SP100: variants seen among roughly 807,000 people sequenced by gnomAD.
SP100 encodes the protein SP100 nuclear body protein, also known as nuclear autoantigen Sp-100.
SP100 carries 84 observed loss-of-function variants against 130.0 expected under a neutral mutation model. The ratio of observed to expected loss-of-function variants is 0.65; its 90% CI spans 0.54 to 0.77. SP100 has a LOEUF of 0.77. Among genes scored for constraint, SP100 ranks in the 30% least tolerant of loss-of-function variants. SP100 has a pLI of 0.00. For missense variants in SP100, 978 were observed against 1,052.2 expected, an observed-to-expected ratio of 0.93 and a Z score of 0.97; for synonymous variants, 331 against 351.7, an observed-to-expected ratio of 0.94 and a Z score of 0.66.
At chr2:230,442,733 C>T (rs972856943) in intron 2 of SP100, among the ~76,000 whole-genome samples, 7 of 152,126 alleles carry the variant, frequency 4.6e-5, no homozygotes, top group Admixed American at 4.6e-4. Context: ...TTTCAGTCCT[C>T]TATATTAGTT....
At chr2:230,500,282 T>C (rs1257257781) in intron 19 of SP100, among the ~76,000 whole-genome samples, 2 of 152,208 alleles carry the variant, frequency 1.3e-5, no homozygotes, top group Non-Finnish European at 2.9e-5. Flanking sequence ...TATACAATTG[T>C]AGTGAGGTGC....
intron 17 of SP100, 28 bp from the exon 18 acceptor site, chr2:230,494,388 G>A (rs2066551786): frequency 6.7e-7 from 1 of 1,487,652 alleles, no homozygotes; most frequent in African/African-American, 1.4e-5. Flanking sequence ...AGTTCTAAAG[G>A]ATTATTTTCT....
At chr2:230,523,370 T>C (rs1691264460) in intron 24 of SP100, among the ~76,000 whole-genome samples, 1 of 152,216 alleles carries the variant, frequency 6.6e-6, no homozygotes, top group African/African-American at 2.4e-5. Flanking sequence ...AATTGGCTTA[T>C]TTTAAAAAAG....
intron 25 of SP100, 44 bp downstream of exon 25, chr2:230,539,426 G>T: frequency 6.6e-6 from 9 of 1,359,510 alleles, no homozygotes; most frequent in Non-Finnish European, 9.5e-6. Context: ...CCTTCTTGTG[G>T]TACAGCTCCT....
intron 24 of SP100, among the ~76,000 whole-genome samples, chr2:230,537,301 T>C (rs1323966178): frequency 6.6e-6 from 1 of 152,138 alleles, no homozygotes; most frequent in East Asian, 1.9e-4. Flanking sequence ...AGGACACTAA[T>C]TGAGAGGGGA....
intron 8 of SP100, among the ~76,000 whole-genome samples, chr2:230,454,091 T>C (rs1189628664): frequency 6.6e-6 from 1 of 152,216 alleles, no homozygotes; most frequent in African/African-American, 2.4e-5. Context: ...AAATTGTTTA[T>C]AGCAGTGTCT....
Position 230,416,282 on chromosome 2 carries a change from G to T in SP100, c.-15G>T. 6.2e-7 allele frequency: 1 copy of T among 1,612,886 alleles called. No homozygotes were observed. Among genetic ancestry groups the T allele is most frequent in the Non-Finnish European group, 8.5e-7 (1 of 1,179,206 alleles). On this transcript the variant is annotated 5_prime_UTR_variant, in exon 1 of 29. Coordinates refer to ENST00000340126, the MANE Select transcript of SP100 (RefSeq NM_001080391.2). ...GGCCAGGCTCTGAGGCCCACGCAGG[G>T]CCTAGGGTGGGAAGATGGCAGGTGG...
intron 2 of SP100, among the ~76,000 whole-genome samples, chr2:230,438,133 G>A (rs1389781157): frequency 4.6e-5 from 7 of 151,844 alleles, no homozygotes; most frequent in Non-Finnish European, 8.8e-5. Flanking sequence ...TCTTAGTTGT[G>A]TCTTTAGTTG....
At chr2:230,459,003 A>G (rs752710406) in intron 8 of SP100, among the ~76,000 whole-genome samples, 1 of 152,190 alleles carries the variant, frequency 6.6e-6, no homozygotes, top group Non-Finnish European at 1.5e-5. Context: ...GCATGTAAGG[A>G]GACCTCACTT....
intron 17 of SP100, among the ~76,000 whole-genome samples, chr2:230,486,994 A>G (rs1254206920): frequency 6.6e-6 from 1 of 152,192 alleles, no homozygotes. Flanking sequence ...GTGTCTGTTC[A>G]TATCCTTTGT....
chr2:230,542,611 T>A (rs549130833), intron 28 of SP100, among the ~76,000 whole-genome samples: 1 of 152,318 alleles, frequency 6.6e-6, no homozygotes, highest in South Asian at 2.1e-4. Context: ...GTTAAATTAA[T>A]CCATAAGCTT....
At chr2:230,529,290 C>T (rs1002701458) in intron 24 of SP100, among the ~76,000 whole-genome samples, 8 of 152,142 alleles carry the variant, frequency 5.3e-5, no homozygotes, top group Non-Finnish European at 7.4e-5. Flanking sequence ...AATCAATAAA[C>T]GTAACCCATC....
chr2:230,492,265 A>T (rs72985705), intron 17 of SP100, among the ~76,000 whole-genome samples: 1,625 of 152,210 alleles, frequency 0.011, 10 homozygotes, highest in Non-Finnish European at 0.016. Context: ...AACTTGCCCT[A>T]CAGCCTATTT....
At position 230,449,608 on chromosome 2, in the gene SP100, G is replaced by A. The variant is rs140509980; in HGVS notation, c.634G>A (p.Glu212Lys). The A allele has an allele frequency of 6.2e-7, 1 of 1,613,978 alleles. No homozygotes were observed. The highest frequency in any genetic ancestry group is 8.5e-7 in the Non-Finnish European group (1 of 1,179,998). The change falls in exon 7 of 29, where the codon GAA becomes AAA. Residue 212 changes from glutamate (E) to lysine (K), a missense_variant. Physicochemically the swap from Glu to Lys is moderately conservative, Grantham distance 56. Transcript: ENST00000340126. The stretch of plus-strand genomic sequence containing the variant: ...ACTCTCAGAGCACCCCTGTGAAACA[G>A]AACAGATAAATGCAAAGAGAAAAGA... ...NGLSEHPCET[E>K]QINAKRKDTT...
At chr2:230,516,223 T>G (rs1050300452) in intron 24 of SP100, 1 of 241,980 alleles carries the variant, frequency 4.1e-6, no homozygotes, top group Non-Finnish European at 6.6e-6. Context: ...AGTCAAAGCC[T>G]TGGTAAAATA....
At chr2:230,431,971 C>T (rs887875585) in intron 2 of SP100, among the ~76,000 whole-genome samples, 3 of 152,106 alleles carry the variant, frequency 2.0e-5, no homozygotes, top group African/African-American at 7.2e-5. Flanking sequence ...GTTGTGCAAC[C>T]ATCATCACAA....
chr2:230,528,666 T>C (rs139218722), intron 24 of SP100, among the ~76,000 whole-genome samples: 4,357 of 151,716 alleles, frequency 0.029, 202 homozygotes, highest in African/African-American at 0.1. Flanking sequence ...ACCAACAAAA[T>C]AGATAGACCA....
In SP100 at chr2:230,524,919, G is replaced by A. The variant is rs575182049; in HGVS notation, c.2094+13753G>A. Among the ~76,000 whole-genome samples the A allele has an allele frequency of 2.0e-5, 3 of 152,190 alleles. No homozygotes were observed. In the South Asian group the frequency reaches 6.2e-4, roughly 32 times the overall value. On this transcript the variant is annotated intron_variant, in intron 24 of 28. Coordinates refer to ENST00000340126, the MANE Select transcript of SP100 (RefSeq NM_001080391.2). ...TGCCAAGAAGATGTGTTTTTATTGA[G>A]AAAAAGAATAATTTTGTCTAATTCA...
chr2:230,489,185 G>T (rs2066268616), intron 17 of SP100, among the ~76,000 whole-genome samples: 1 of 152,172 alleles, frequency 6.6e-6, no homozygotes, highest in African/African-American at 2.4e-5. Flanking sequence ...GTTAATTACT[G>T]CCTCAATTTC....
Sources: gnomAD v4.1 joint callset for allele counts (sites outside exome capture counted in the v4.1 genomes callset) on GRCh38, gnomAD v4.1.1 for gene constraint, MANE v1.5 for transcripts, NCBI Gene and HGNC (gene_info 2026-07-23, HGNC 2026-07-21) for gene names.